SRCAP: variants seen among roughly 807,000 people sequenced by gnomAD.
SRCAP encodes the protein chromatin remodeling protein SRCAP.
Under a neutral mutation model 263.1 loss-of-function variants are expected in SRCAP, and 46 were observed. The ratio of observed to expected loss-of-function variants is 0.17; its 90% CI spans 0.14 to 0.22. SRCAP has a LOEUF of 0.22. Ranked by LOEUF, SRCAP falls within the 10% of genes least tolerant of loss-of-function variation. SRCAP has a pLI of 1.00. For synonymous variants in SRCAP, 1,813 were observed against 1,662.1 expected, an observed-to-expected ratio of 1.09 and a Z score of -2.21; for missense variants, 3,695 against 4,181.9, an observed-to-expected ratio of 0.88 and a Z score of 3.21.
intron 27 of SRCAP, among the ~76,000 whole-genome samples, chr16:30,730,969 T>TA (rs2053109584): frequency 6.6e-6 from 1 of 152,156 alleles, no homozygotes; most frequent in Non-Finnish European, 1.5e-5. Flanking sequence ...CACCCAGCCT[T>TA]AAGGGACCAG....
chr16:30,736,315 G>C lies in SRCAP; in HGVS notation c.6845G>C (p.Gly2282Ala). Residue 2282 changes from glycine (G) to alanine (A), a missense_variant, in exon 32 of 34, where the codon GGA (glycine) becomes GCA (alanine). Physicochemically the swap from Gly to Ala is moderately conservative, Grantham distance 60. Coordinates refer to ENST00000262518, the MANE Select transcript of SRCAP (RefSeq NM_006662.3). ...NENDGFPAGE[G>A]EEAGRPGAED... The stretch of plus-strand genomic sequence containing the variant: ...AACGATGGGTTTCCTGCTGGTGAGG[G>C]AGAGGAAGCTGGCCGGCCTGGGGCT... 1.9e-6 allele frequency: 3 copies of C among 1,614,162 alleles called. No individual in the cohort carries two copies. The highest frequency in any genetic ancestry group is 1.7e-6 in the Non-Finnish European group (2 of 1,180,034).
Position 30,720,977 on chromosome 16 carries a change from G to C in SRCAP, c.3252G>C (p.Gln1084His). ...AGCCCAACAGTGGTTCTCTCCCCCA[G>C]GGTGAGTTGAAAGGGAGCCAAGGAT... is the stretch of plus-strand genomic sequence containing the variant. The part of the protein sequence containing the change: ...PLQPNSGSLP[Q>H]VLPSPLGVLS... The change falls in exon 20 of 34, where the codon CAG becomes CAC. Residue 1084 changes from glutamine to histidine, a missense_variant and splice_region_variant. Physicochemically the swap from Gln to His is conservative, Grantham distance 24. Transcript: ENST00000262518. The C allele has an allele frequency of 3.1e-6, 5 of 1,598,576 alleles. No individual in the cohort carries two copies. Among genetic ancestry groups the C allele is most frequent in the Non-Finnish European group, 4.3e-6 (5 of 1,171,964 alleles).
chr16:30,704,735 A>G (rs1047752383), intron 4 of SRCAP, among the ~76,000 whole-genome samples: 3 of 152,110 alleles, frequency 2.0e-5, no homozygotes, highest in Non-Finnish European at 4.4e-5. Flanking sequence ...GCAGCCACCC[A>G]GGAGCCTGAG....
chr16:30,737,400 ATTCCTGCCCTTG>A lies in SRCAP; in HGVS notation c.7367_7378del (p.Ala2456_Pro2459del), dbSNP rs755071510. 1.2e-6 allele frequency: 2 copies of A among 1,610,654 alleles called. No individual in the cohort carries two copies. The highest frequency in any genetic ancestry group is 1.3e-5 in the African/African-American group (1 of 74,748). On this transcript the variant is annotated inframe_deletion, in exon 34 of 34. Transcript: ENST00000262518. ...CACTCCAGCTTCAGCTCCGGCTGCA[ATTCCTGCCCTTG>A]TTCCTGTCCCAGTTTCTGCCCCAGT...
Position 30,739,823 on chromosome 16 carries a change from G to A in SRCAP, c.*90G>A, listed in dbSNP as rs2053207421. On this transcript the variant is annotated 3_prime_UTR_variant, in exon 34 of 34. Coordinates refer to ENST00000262518, the MANE Select transcript of SRCAP (RefSeq NM_006662.3). Reference sequence around the variant, plus strand: ...GTTAACCACTACTTGAAGTCTTGAGGGGGAAAGCCTCCAGGGAGACATAGG... The same window carrying A: ...GTTAACCACTACTTGAAGTCTTGAGAGGGAAAGCCTCCAGGGAGACATAGG... 9.1e-6 allele frequency: 13 copies of A among 1,422,500 alleles called. No individual in the cohort carries two copies. The highest frequency in any genetic ancestry group is 1.1e-5 in the Non-Finnish European group (12 of 1,085,504). 88.1% of individuals were successfully genotyped at this position (1,422,500 alleles called of 1,614,324 possible).
rs2053047795 is a variant in SRCAP at position 30,724,830 on chromosome 16, A to G, written c.5406A>G (p.Ala1802=). 6.2e-7 allele frequency: 1 copy of G among 1,613,828 alleles called. No homozygotes were observed. The highest frequency in any genetic ancestry group is 1.7e-5 in the Admixed American group (1 of 60,008). Residue 1802 remains alanine (A), a synonymous_variant, in exon 25 of 34, where the codon GCA becomes GCG. Transcript: ENST00000262518. Reference sequence around the variant, plus strand: ...CAGTTCCTACCCTGGGCCCGGCCGCAGCTCAGACCTTGGCGCTGGCCCCAG... The same window carrying G: ...CAGTTCCTACCCTGGGCCCGGCCGCGGCTCAGACCTTGGCGCTGGCCCCAG... ...PAPVPTLGPA[A]AQTLALAPAS... is the part of the protein sequence containing the mutation.
chr16:30,709,467 A>G (rs753838120), intron 6 of SRCAP, 46 bp from the exon 7 acceptor site: 8 of 1,604,478 alleles, frequency 5.0e-6, no homozygotes, highest in Non-Finnish European at 6.0e-6. Flanking sequence ...AAGTACATAA[A>G]TAAAATGGTT....
At chr16:30,702,771 A>G (rs1427475057) in intron 3 of SRCAP, among the ~76,000 whole-genome samples, 2 of 150,300 alleles carry the variant, frequency 1.3e-5, no homozygotes, top group Non-Finnish European at 3.0e-5. Context: ...ACACGTGGCT[A>G]ATTTCTGTAT....
intron 1 of SRCAP, 52 bp from the exon 2 acceptor site, chr16:30,699,856 T>C (rs957602471): frequency 1.3e-5 from 2 of 152,214 alleles, no homozygotes; most frequent in African/African-American, 4.8e-5. Flanking sequence ...TTGGGTATAT[T>C]TAAACGTCTC....
rs2052837410 is a variant in SRCAP at position 30,707,217 on chromosome 16, G to A, written c.341G>A (p.Arg114Gln). ...ATCGAGACTCGGATTGCTGAGCTGC[G>A]GAAGGAGGGTTTCTGGTCACTGAAG... The part of the protein sequence containing the change: ...AEIETRIAEL[R>Q]KEGFWSLKRL... Residue 114 changes from arginine (R) to glutamine (Q), a missense_variant, in exon 5 of 34, where the codon CGG becomes CAG. Transcript: ENST00000262518. The A allele has an allele frequency of 1.2e-6, 2 of 1,614,036 alleles. No individual in the cohort carries two copies. Among genetic ancestry groups the A allele is most frequent in the Non-Finnish European group, 1.7e-6 (2 of 1,180,048 alleles).
At chr16:30,703,204 C>G (rs924911283) in intron 3 of SRCAP, among the ~76,000 whole-genome samples, 3 of 148,688 alleles carry the variant, frequency 2.0e-5, no homozygotes, top group Admixed American at 6.7e-5. Flanking sequence ...TTTTCCTTTC[C>G]GAGACAGAGT....
intron 25 of SRCAP, among the ~76,000 whole-genome samples, chr16:30,726,749 G>A (rs1026777107): frequency 4.6e-5 from 7 of 152,124 alleles, no homozygotes; most frequent in African/African-American, 1.7e-4. Flanking sequence ...TGCCCAGGCT[G>A]GAGTAAAGTG....
Position 30,733,287 on chromosome 16 carries a change from G to A in SRCAP, c.6135G>A (p.Leu2045=). 1 of 1,613,764 alleles carries A rather than the reference G, an allele frequency of 6.2e-7. No homozygotes were observed. Among genetic ancestry groups the A allele is most frequent in the Non-Finnish European group, 8.5e-7 (1 of 1,180,024 alleles). The change falls in exon 28 of 34, where the codon TTG becomes TTA. Residue 2045 remains leucine, a synonymous_variant. Transcript: ENST00000262518. The surrounding 1 kb of genome is among the most constrained non-coding windows in gnomAD (Gnocchi z 5.3). ...LRLIQYDCGK[L]QTLAVLLRQL... ...CCCTTCATATCTCTTTAGGAAAGTT[G>A]CAGACGTTGGCAGTGCTGTTGCGGC...
chr16:30,739,018 T>A lies in SRCAP; in HGVS notation c.8978T>A (p.Val2993Asp). Residue 2993 changes from valine to aspartate, a missense_variant, in exon 34 of 34, where the codon GTC becomes GAC. Val to Asp is a radical substitution (Grantham distance 152, BLOSUM62 -3). Coordinates refer to ENST00000262518, the MANE Select transcript of SRCAP (RefSeq NM_006662.3). Reference protein sequence around the residue: ...VCPTATVANTVTTVTISTSPP... With the variant: ...VCPTATVANTDTTVTISTSPP... Reference sequence around the variant, plus strand: ...CCCACTGCTACTGTTGCCAACACTGTCACCACTGTCACCATTTCAACGTCC... The same window carrying A: ...CCCACTGCTACTGTTGCCAACACTGACACCACTGTCACCATTTCAACGTCC... The A allele has an allele frequency of 6.2e-7, 1 of 1,613,760 alleles. No individual in the cohort carries two copies. Among genetic ancestry groups the A allele is most frequent in the Non-Finnish European group, 8.5e-7 (1 of 1,179,970 alleles).
chr16:30,728,287 C>T (rs1024458103), intron 25 of SRCAP, among the ~76,000 whole-genome samples: 16 of 152,114 alleles, frequency 1.1e-4, no homozygotes, highest in African/African-American at 2.9e-4. Flanking sequence ...TGGGGCCTAC[C>T]GTGTAGTGGA....
At chr16:30,718,190 G>A (rs573541581) in intron 18 of SRCAP, among the ~76,000 whole-genome samples, 1 of 150,810 alleles carries the variant, frequency 6.6e-6, no homozygotes, top group Admixed American at 6.6e-5. Flanking sequence ...TTTTTTGGGT[G>A]GGGGGGGCAG....
At chr16:30,705,707 G>GTTT (rs541588292) in intron 4 of SRCAP, among the ~76,000 whole-genome samples, 1 of 130,980 alleles carries the variant, frequency 7.6e-6, no homozygotes, top group African/African-American at 2.8e-5. Flanking sequence ...CCACAATTGG[G>GTTT]TTTTTTTTTT....
intron 30 of SRCAP, chr16:30,734,263 A>C: frequency 1.6e-6 from 1 of 641,488 alleles, no homozygotes; most frequent in Non-Finnish European, 2.6e-6. Flanking sequence ...GAATCACTTG[A>C]ACCTAAGAGG....
In SRCAP at chr16:30,734,063, G is replaced by A. The variant is rs1188533905; in HGVS notation, c.6609+55G>A. ...GGAGAAAACTGCTGCGCCTTCAGGA[G>A]TTCCTCCTGTTTATTAAAGAAGACT... is the stretch of plus-strand genomic sequence containing the variant. On this transcript the variant is annotated intron_variant, in intron 30 of 33. Transcript: ENST00000262518. The A allele has an allele frequency of 4.9e-6, 7 of 1,441,750 alleles. 1 individual carries two copies. The Admixed American group carries it at 6.2e-5, about 13-fold the overall frequency. 89.3% of individuals were successfully genotyped at this position (1,441,750 alleles called of 1,614,324 possible). A position where few individuals can be genotyped will look rare whatever the true frequency, so the allele number is the denominator to read the frequency against.
Sources: gnomAD v4.1 joint callset for allele counts (sites outside exome capture counted in the v4.1 genomes callset) on GRCh38, gnomAD v4.1.1 for gene constraint, Gnocchi (gnomAD v3.1) non-coding constraint, MANE v1.5 for transcripts, NCBI Gene and HGNC (gene_info 2026-07-23, HGNC 2026-07-21) for gene names.